CDH8: variants seen among roughly 807,000 people sequenced by gnomAD.
CDH8 encodes the protein cadherin-8.
In CDH8, 17 loss-of-function variants were observed where a neutral mutation model predicts 68.1. The observed-to-expected ratio is 0.25, with a 90% CI of 0.17 to 0.37. The LOEUF (loss-of-function observed/expected upper bound fraction) is 0.37, where lower values mean the gene tolerates loss of function less well. Among genes scored for constraint, CDH8 ranks in the 10% least tolerant of loss-of-function variants. The pLI is 1.00. For missense variants in CDH8, 763 were observed against 999.3 expected, an observed-to-expected ratio of 0.76 and a Z score of 3.19; for synonymous variants, 372 against 365.1, an observed-to-expected ratio of 1.02 and a Z score of -0.21.
intron 2 of CDH8, among the ~76,000 whole-genome samples, chr16:61,971,175 ACT>A (rs2150576797): frequency 6.6e-6 from 1 of 152,076 alleles, no homozygotes; most frequent in East Asian, 2.0e-4. Flanking sequence ...CCCTTTGCTG[ACT>A]CTCTTTTTGG....
At chr16:61,687,795 A>T (rs1006355058) in intron 10 of CDH8, among the ~76,000 whole-genome samples, 19 of 152,002 alleles carry the variant, frequency 1.2e-4, no homozygotes, top group African/African-American at 3.9e-4. Context: ...AAAATAACAG[A>T]TTTAACCTAC....
chr16:61,788,528 A>C (rs1961293982), intron 8 of CDH8, among the ~76,000 whole-genome samples: 1 of 152,086 alleles, frequency 6.6e-6, no homozygotes, highest in South Asian at 2.1e-4. Flanking sequence ...GTTTTTTGCT[A>C]GGAAATAAAA....
At chr16:61,818,901 C>T (rs73564353) in intron 6 of CDH8, among the ~76,000 whole-genome samples, 4,618 of 147,310 alleles carry the variant, frequency 0.031, 227 homozygotes, top group African/African-American at 0.11. Context: ...TGTTGGTTTT[C>T]ACATTTAAAT....
intron 10 of CDH8, among the ~76,000 whole-genome samples, chr16:61,691,507 T>G (rs1163035635): frequency 6.6e-6 from 1 of 151,948 alleles, no homozygotes; most frequent in South Asian, 2.1e-4. Flanking sequence ...CTGCTTGAGA[T>G]CCATTTGTCT....
At chr16:61,672,594 A>G (rs973443400) in intron 10 of CDH8, among the ~76,000 whole-genome samples, 2 of 152,062 alleles carry the variant, frequency 1.3e-5, no homozygotes, top group African/African-American at 4.8e-5. Flanking sequence ...AGTAGTTATT[A>G]TTACCATATG....
chr16:61,861,241 T>G (rs2143017737), intron 3 of CDH8, among the ~76,000 whole-genome samples: 1 of 152,320 alleles, frequency 6.6e-6, no homozygotes, highest in African/African-American at 2.4e-5. Flanking sequence ...GCCTGTAGTG[T>G]GCACCAAACT....
chr16:61,937,091 A>G (rs946841646), intron 2 of CDH8, among the ~76,000 whole-genome samples: 1 of 152,150 alleles, frequency 6.6e-6, no homozygotes, highest in Non-Finnish European at 1.5e-5. Flanking sequence ...CAGGATTGAA[A>G]TAAACAAACA....
chr16:61,818,216 T>G (rs2143000208), intron 6 of CDH8, among the ~76,000 whole-genome samples: 1 of 152,264 alleles, frequency 6.6e-6, no homozygotes, highest in Admixed American at 6.5e-5. Context: ...AAGGAGACAT[T>G]ATAAAGCATA....
At chr16:61,775,321 A>T (rs1960875802) in intron 8 of CDH8, among the ~76,000 whole-genome samples, 1 of 152,156 alleles carries the variant, frequency 6.6e-6, no homozygotes, top group South Asian at 2.1e-4. Context: ...GATTTTGAAT[A>T]TGCATGCATT....
chr16:61,876,763 G>C (rs1397130), intron 3 of CDH8, among the ~76,000 whole-genome samples: 82,081 of 151,732 alleles, frequency 0.54, 24,602 homozygotes, highest in African/African-American at 0.82. Flanking sequence ...ACAAATTACT[G>C]TCAACTTTCC....
chr16:61,780,606 C>A (rs1300477929), intron 8 of CDH8, among the ~76,000 whole-genome samples: 1 of 152,252 alleles, frequency 6.6e-6, no homozygotes, highest in African/African-American at 2.4e-5. Flanking sequence ...GAACCTCCCC[C>A]TATGGGGTTC....
chr16:61,705,629 C>A (rs572380727), intron 10 of CDH8, among the ~76,000 whole-genome samples: 2 of 152,110 alleles, frequency 1.3e-5, no homozygotes. Context: ...TGATTAAAGA[C>A]GCACATCACC....
chr16:62,000,096 A>T (rs113072016), intron 2 of CDH8, among the ~76,000 whole-genome samples: 4,046 of 152,164 alleles, frequency 0.027, 176 homozygotes, highest in African/African-American at 0.091. Context: ...TTTGCTGAGA[A>T]TGATGGTTTC....
intron 10 of CDH8, among the ~76,000 whole-genome samples, chr16:61,665,797 T>TTCCTTCCTTCCC (rs1963661698): frequency 8.0e-6 from 1 of 125,084 alleles, no homozygotes; most frequent in Non-Finnish European, 1.7e-5. Context: ...CCTTCCTTCC[T>TTCCTTCCTTCCC]TCCTTCCTTT....
At chr16:61,908,352 A>G (rs1964098314) in intron 2 of CDH8, among the ~76,000 whole-genome samples, 2 of 152,154 alleles carry the variant, frequency 1.3e-5, no homozygotes, top group South Asian at 4.1e-4. Context: ...CTCCCAAATG[A>G]TAAGCATATA....
intron 4 of CDH8, among the ~76,000 whole-genome samples, chr16:61,827,521 G>A (rs1186140932): frequency 6.6e-6 from 1 of 151,874 alleles, no homozygotes; most frequent in Non-Finnish European, 1.5e-5. Context: ...AAGTGAAAAT[G>A]TAAAACAAAA....
intron 2 of CDH8, among the ~76,000 whole-genome samples, chr16:62,006,896 A>G (rs998097835): frequency 7.6e-6 from 1 of 131,350 alleles, no homozygotes; most frequent in Non-Finnish European, 1.6e-5. Flanking sequence ...TCAAAAGCCC[A>G]TTTCATAATC....
At position 61,874,613 on chromosome 16, in the gene CDH8, A is replaced by C. The variant is rs1352521196; in HGVS notation, c.548-17375T>G. Among the ~76,000 whole-genome samples, 5 of 152,122 alleles carry C rather than the reference A, an allele frequency of 3.3e-5. No individual in the cohort carries two copies. The South Asian group carries it at 8.3e-4, about 25-fold the overall frequency. ...CCCAAAGTGATATTTTCAACTTACT[A>C]TAAGTTTATTGAGATGTAATCCTAA... On this transcript the variant is annotated intron_variant, in intron 3 of 11. Coordinates refer to ENST00000577390, the MANE Select transcript of CDH8 (RefSeq NM_001796.5).
At chr16:61,973,907 T>A (rs1294288028) in intron 2 of CDH8, among the ~76,000 whole-genome samples, 2 of 152,244 alleles carry the variant, frequency 1.3e-5, no homozygotes, top group African/African-American at 4.8e-5. Flanking sequence ...TTAGTTCACA[T>A]GCTTCCCTTA....
Sources: allele counts gnomAD v4.1 joint callset (sites outside exome capture counted in the v4.1 genomes callset), GRCh38; gene constraint gnomAD v4.1.1; transcripts MANE v1.5; gene names NCBI Gene and HGNC (gene_info 2026-07-23, HGNC 2026-07-21).